COL14A1: variants seen among roughly 807,000 people sequenced by gnomAD.
The protein encoded by COL14A1 is collagen alpha-1(XIV) chain.
In COL14A1, 136 loss-of-function variants were observed where a neutral mutation model predicts 230.3. The observed-to-expected ratio is 0.59, with a 90% CI of 0.51 to 0.68. COL14A1 has a LOEUF of 0.68. Ranked by LOEUF, COL14A1 falls within the 30% of genes least tolerant of loss-of-function variation. The probability of loss-of-function intolerance (pLI) is 0.00; values close to 1 mark genes in which losing one functional copy is unlikely to be tolerated. For synonymous variants in COL14A1, 792 were observed against 784.1 expected, an observed-to-expected ratio of 1.01 and a Z score of -0.17; for missense variants, 1,976 against 2,215.8, an observed-to-expected ratio of 0.89 and a Z score of 2.17.
At chr8:120,155,264 G>A (rs1374537028) in intron 2 of COL14A1, among the ~76,000 whole-genome samples, 1 of 152,172 alleles carries the variant, frequency 6.6e-6, no homozygotes, top group Non-Finnish European at 1.5e-5. Flanking sequence ...GATGGATTTG[G>A]TCGTTGCATT....
chr8:120,200,333 A>G (rs1817194844), intron 8 of COL14A1, among the ~76,000 whole-genome samples: 1 of 151,968 alleles, frequency 6.6e-6, no homozygotes, highest in Non-Finnish European at 1.5e-5. Context: ...TAATTATTTT[A>G]TTTGTGATCA....
At chr8:120,333,514 G>A (rs1245682133) in intron 42 of COL14A1, among the ~76,000 whole-genome samples, 1 of 152,234 alleles carries the variant, frequency 6.6e-6, no homozygotes, top group African/African-American at 2.4e-5. Context: ...ATGCAAAGAT[G>A]TGTACAACTG....
At chr8:120,237,439 C>T (rs1358880631) in intron 19 of COL14A1, among the ~76,000 whole-genome samples, 8 of 152,138 alleles carry the variant, frequency 5.3e-5, no homozygotes, top group East Asian at 1.9e-4. Flanking sequence ...AAAGTTCTTA[C>T]GCTGTGTTTT....
chr8:120,253,842 T>C (rs899993364), intron 22 of COL14A1, among the ~76,000 whole-genome samples: 1 of 152,308 alleles, frequency 6.6e-6, no homozygotes, highest in African/African-American at 2.4e-5. Context: ...GAGAATCGCC[T>C]GTACCCAGGA....
At chr8:120,310,906 T>C (rs911587606) in intron 37 of COL14A1, among the ~76,000 whole-genome samples, 2 of 152,226 alleles carry the variant, frequency 1.3e-5, no homozygotes, top group African/African-American at 4.8e-5. Context: ...CATCTCATTT[T>C]CACCATGTTG....
At chr8:120,217,666 A>G (rs1817797075) in intron 14 of COL14A1, among the ~76,000 whole-genome samples, 1 of 152,118 alleles carries the variant, frequency 6.6e-6, no homozygotes, top group Admixed American at 6.6e-5. Flanking sequence ...AAATCTTGAG[A>G]GTAAATAATC....
intron 24 of COL14A1, among the ~76,000 whole-genome samples, chr8:120,264,687 T>A (rs568478234): frequency 2.0e-5 from 3 of 152,252 alleles, no homozygotes; most frequent in Non-Finnish European, 4.4e-5. Context: ...TTTAAAGTAG[T>A]TTTTGAAAAG....
chr8:120,336,241 A>G (rs1822067799), intron 42 of COL14A1, among the ~76,000 whole-genome samples: 1 of 152,156 alleles, frequency 6.6e-6, no homozygotes, highest in African/African-American at 2.4e-5. Flanking sequence ...TTGCTCTGAA[A>G]GCTCCATTAA....
In COL14A1 at chr8:120,345,485, G is replaced by A. The variant is rs200266880; in HGVS notation, c.4999G>A (p.Ala1667Thr). 1.8e-4 allele frequency: 293 copies of A among 1,605,492 alleles called. 3 individuals are homozygous for A. In the East Asian group the frequency reaches 6.4e-3, roughly 35 times the overall value. The change falls in exon 45 of 48, where the codon GCC (alanine) becomes ACC (threonine). Residue 1667 changes from alanine (A) to threonine (T), a missense_variant. Around this residue, in one of 3 missense-constraint regions of COL14A1, gnomAD observed 1,791 missense variants for 2,019.5 expected, o/e 0.89. Coordinates refer to ENST00000297848, the MANE Select transcript of COL14A1 (RefSeq NM_021110.4). The part of the protein sequence containing the change: ...GEPGRPGSPG[A>T]PGEQGPPGTP... ...GCCTGGGAGGCCAGGCTCACCTGGA[G>A]CCCCTGGTGAACAAGGACCCCCAGG...
intron 40 of COL14A1, among the ~76,000 whole-genome samples, chr8:120,329,851 G>T (rs139608527): frequency 0.011 from 1,684 of 152,200 alleles, 106 homozygotes; most frequent in Admixed American, 0.099. Flanking sequence ...GCAATAAAAT[G>T]AAATAGAATG....
At position 120,370,805 on chromosome 8, in the gene COL14A1, C is replaced by A. The variant is rs769229920; in HGVS notation, c.5312-347C>A. The stretch of plus-strand genomic sequence containing the variant: ...CTCCCCTGATCACCTCCCCTCCCTG[C>A]TCTTCCCTGGTGATGGACTTCTAAC... On this transcript the variant is annotated intron_variant, in intron 47 of 47. Transcript: ENST00000297848. The A allele has an allele frequency of 3.6e-5, 49 of 1,378,768 alleles. No individual in the cohort carries two copies. The African/African-American group carries it at 6.8e-4, about 19-fold the overall frequency. The allele number at this position is 1,378,768 out of a possible 1,614,324, so 85.4% of individuals were successfully genotyped here.
intron 24 of COL14A1, among the ~76,000 whole-genome samples, chr8:120,264,920 C>T (rs949812848): frequency 2.0e-5 from 3 of 152,296 alleles, no homozygotes; most frequent in South Asian, 2.1e-4. Flanking sequence ...TGACCCCGCA[C>T]TGGTTAACTG....
chr8:120,350,820 C>G (rs1043701891), intron 45 of COL14A1, among the ~76,000 whole-genome samples: 16 of 151,590 alleles, frequency 1.1e-4, no homozygotes, highest in Non-Finnish European at 1.9e-4. Context: ...CAACATTAGA[C>G]AGATCAACGA....
chr8:120,204,179 T>G (rs1411602954), intron 9 of COL14A1, among the ~76,000 whole-genome samples: 1 of 152,226 alleles, frequency 6.6e-6, no homozygotes, highest in East Asian at 1.9e-4. Context: ...ATAGAAAGAT[T>G]GTGTGTTCTT....
rs144967860 is a variant in COL14A1 at position 120,250,837 on chromosome 8, T to C, written c.2752+71T>C. 5,055 of 1,544,372 alleles carry C rather than the reference T, an allele frequency of 3.3e-3. 130 individuals carry two copies. The African/African-American group carries it at 0.058, about 18-fold the overall frequency. ...TTGTTTTGTTTTTTGAGATGGAGTC[T>C]CGCTCTGTCGCTCAGGCTGGAGTGC... On this transcript the variant is annotated intron_variant, in intron 22 of 47. Coordinates refer to ENST00000297848, the MANE Select transcript of COL14A1 (RefSeq NM_021110.4).
chr8:120,300,821 A>T lies in COL14A1; in HGVS notation c.4401+3A>T. 1 of 1,611,724 alleles carries T rather than the reference A, an allele frequency of 6.2e-7. No individual in the cohort carries two copies. Among genetic ancestry groups the T allele is most frequent in the Middle Eastern group, 1.7e-4 (1 of 6,036 alleles). Reference sequence around the variant, plus strand: ...CTCTGGGACCAGCGGGCCCACCAGTAAGTCTTGCTGAGTTCAGCCTTAAAT... The same window carrying T: ...CTCTGGGACCAGCGGGCCCACCAGTTAGTCTTGCTGAGTTCAGCCTTAAAT... On this transcript the variant is annotated splice_donor_region_variant and intron_variant, in intron 36 of 47. Coordinates refer to ENST00000297848, the MANE Select transcript of COL14A1 (RefSeq NM_021110.4).
intron 35 of COL14A1, among the ~76,000 whole-genome samples, chr8:120,298,484 A>G (rs866929263): frequency 6.6e-6 from 1 of 150,638 alleles, no homozygotes; most frequent in Non-Finnish European, 1.5e-5. Context: ...CTAACAACTC[A>G]GTAGCCCATA....
chr8:120,241,467 C>T (rs1165924106), intron 19 of COL14A1, among the ~76,000 whole-genome samples: 1 of 152,126 alleles, frequency 6.6e-6, no homozygotes, highest in Non-Finnish European at 1.5e-5. Context: ...TAGAGCCAGA[C>T]ATGAAAATCC....
chr8:120,232,227 A>G (rs1177473869), intron 19 of COL14A1: 2 of 151,968 alleles, frequency 1.3e-5, no homozygotes, highest in Non-Finnish European at 2.9e-5. Context: ...TGTTTTATCT[A>G]TCTTTCCTTT....
Sources: gnomAD v4.1 joint callset for allele counts (sites outside exome capture counted in the v4.1 genomes callset) on GRCh38, gnomAD v4.1.1 for gene constraint, gnomAD v4.1.1 regional missense constraint, MANE v1.5 for transcripts, NCBI Gene and HGNC (gene_info 2026-07-23, HGNC 2026-07-21) for gene names.